CLIC2: variants seen among roughly 807,000 people sequenced by gnomAD.
CLIC2 encodes CLIC family member 2.
A neutral mutation model predicts 14.8 loss-of-function variants in CLIC2; 9 were observed. That is an observed-to-expected ratio of 0.61 (90% CI 0.37 to 1.06). The LOEUF (loss-of-function observed/expected upper bound fraction) is 1.06, where lower values mean the gene tolerates loss of function less well. Ranked by LOEUF, CLIC2 falls within the 50% of genes least tolerant of loss-of-function variation. The pLI is 0.01. For synonymous variants in CLIC2, 61 were observed against 66.3 expected, an observed-to-expected ratio of 0.92 and a Z score of 0.39; for missense variants, 148 against 181.4, an observed-to-expected ratio of 0.82 and a Z score of 1.06.
intron 3 of CLIC2, among the ~76,000 whole-genome samples, chrX:155,296,566 A>G (rs1179376867): frequency 8.9e-6 from 1 of 111,775 alleles, no homozygotes; most frequent in African/African-American, 3.3e-5. Context: ...GTGAAGAGAC[A>G]ACCTTTTGAA....
At chrX:155,292,155 CAGG>C in intron 3 of CLIC2, 1 of 567,312 alleles carries the variant, frequency 1.8e-6, no homozygotes, top group Non-Finnish European at 3.2e-6. Context: ...CCTGATGAAA[CAGG>C]AGAATACTAT....
rs2074901993 is a variant in CLIC2, at chrX:155,277,264, A to G, written c.*639T>C. Reference sequence around the variant, plus strand: ...GTTTTTTAAAATTATGTTTTATTTAATGAGTGCTTCTTCATTTAAAAATAA... The same window carrying G: ...GTTTTTTAAAATTATGTTTTATTTAGTGAGTGCTTCTTCATTTAAAAATAA... On this transcript the variant is annotated 3_prime_UTR_variant, in exon 6 of 6. Transcript: ENST00000369449. The G allele has an allele frequency of 9.0e-6, 1 of 111,476 alleles. No individual in the cohort carries two copies. The highest frequency in any genetic ancestry group is 1.9e-5 in the Non-Finnish European group (1 of 53,077). The allele number at this position is 111,476 out of a possible 1,213,427, so 9.2% of individuals were successfully genotyped here. A position where few individuals can be genotyped will look rare whatever the true frequency, so the allele number is the denominator to read the frequency against.
intron 3 of CLIC2, among the ~76,000 whole-genome samples, chrX:155,287,140 A>G (rs782101734): frequency 9.0e-6 from 1 of 111,403 alleles, no homozygotes; most frequent in African/African-American, 3.3e-5. Flanking sequence ...ATTTTTGTAT[A>G]TGGTATAAGG....
intron 3 of CLIC2, among the ~76,000 whole-genome samples, chrX:155,298,527 C>G (rs1365491250): frequency 8.9e-6 from 1 of 112,054 alleles, no homozygotes; most frequent in Non-Finnish European, 1.9e-5. Context: ...ACTATATGTT[C>G]CTACTCTATT....
chrX:155,290,449 C>T, intron 3 of CLIC2: 1 of 508,367 alleles, frequency 2.0e-6, no homozygotes, highest in East Asian at 3.4e-5. Flanking sequence ...TTCTTCTTCA[C>T]AAAGGAAGTC....
chrX:155,309,350 C>G (rs782125940), intron 1 of CLIC2, among the ~76,000 whole-genome samples: 2 of 111,504 alleles, frequency 1.8e-5, no homozygotes, highest in South Asian at 7.5e-4. Flanking sequence ...TCTACTCAAA[C>G]TATTCTGAAA....
intron 5 of CLIC2, 106 bp from the exon 6 acceptor site, chrX:155,278,170 A>T (rs782662424): frequency 3.0e-6 from 2 of 658,205 alleles, no homozygotes; most frequent in South Asian, 4.9e-5. Context: ...TTATCGACAC[A>T]AAAAGCACTA....
chrX:155,289,919 T>G, intron 3 of CLIC2, among the ~76,000 whole-genome samples: 1 of 112,371 alleles, frequency 8.9e-6, no homozygotes, highest in East Asian at 2.8e-4. Flanking sequence ...TCTGGCCTTT[T>G]CCGAGGCACA....
intron 1 of CLIC2, among the ~76,000 whole-genome samples, chrX:155,305,339 A>G (rs1557319882): frequency 8.9e-6 from 1 of 112,275 alleles, no homozygotes; most frequent in Non-Finnish European, 1.9e-5. Flanking sequence ...CCGATTTTCC[A>G]GGTGCCATCT....
At chrX:155,312,743 A>G (rs1557320713) in intron 1 of CLIC2, among the ~76,000 whole-genome samples, 1 of 111,970 alleles carries the variant, frequency 8.9e-6, no homozygotes, top group Non-Finnish European at 1.9e-5. Flanking sequence ...TTGAATCTAT[A>G]GATTGCTTTG....
chrX:155,292,235 G>C (rs1342717140), intron 3 of CLIC2: 2 of 567,704 alleles, frequency 3.5e-6, no homozygotes, highest in Non-Finnish European at 6.5e-6. Context: ...TCCAGATTTA[G>C]AGAGACGAGA....
In CLIC2 at chrX:155,334,485, T is replaced by C. The variant is rs782029949; in HGVS notation, c.-58A>G. 4.2e-6 allele frequency: 4 copies of C among 963,477 alleles called. No individual in the cohort carries two copies. In the South Asian group the frequency reaches 7.8e-5, roughly 19 times the overall value. The allele number at this position is 963,477 out of a possible 1,213,427, so 79.4% of individuals were successfully genotyped here. ...CCTCCTGTAGAGTCCACAATACTTG[T>C]AGACTCTTTTCTCAATTTTATCCAA... is the stretch of plus-strand genomic sequence containing the variant. On this transcript the variant is annotated 5_prime_UTR_variant, in exon 1 of 6. Coordinates refer to ENST00000369449, the MANE Select transcript of CLIC2 (RefSeq NM_001289.6).
chrX:155,280,440 C>T (rs1433685805), intron 3 of CLIC2, among the ~76,000 whole-genome samples: 1 of 111,824 alleles, frequency 8.9e-6, no homozygotes, highest in African/African-American at 3.3e-5. Flanking sequence ...CGCCTGTAAT[C>T]CCAGCACTGT....
At chrX:155,324,929 C>G (rs1324596034) in intron 1 of CLIC2, among the ~76,000 whole-genome samples, 1 of 111,807 alleles carries the variant, frequency 8.9e-6, no homozygotes, top group Non-Finnish European at 1.9e-5. Context: ...AAAAACCAAA[C>G]AACCCCATCA....
At chrX:155,300,041 G>A (rs1411904644) in intron 1 of CLIC2, among the ~76,000 whole-genome samples, 13 of 109,058 alleles carry the variant, frequency 1.2e-4, no homozygotes, top group African/African-American at 4.3e-4. Context: ...AAACATACGT[G>A]TGCATGTGTC....
At position 155,276,596 on chromosome X, in the gene CLIC2, CAT is replaced by C. The variant is rs1469151068; in HGVS notation, c.*1305_*1306del. On this transcript the variant is annotated 3_prime_UTR_variant, in exon 6 of 6. Coordinates refer to ENST00000369449, the MANE Select transcript of CLIC2 (RefSeq NM_001289.6). ...GTGAGATCAACTTTTTAAAATTCCA[CAT>C]ATGAGTGAGATCAACTTTTTAAAAT... is the stretch of plus-strand genomic sequence containing the variant. The C allele has an allele frequency of 2.7e-5, 3 of 111,592 alleles. No individual in the cohort carries two copies. The highest frequency in any genetic ancestry group is 9.7e-5 in the African/African-American group (3 of 30,813). The allele number at this position is 111,592 out of a possible 1,213,427, so 9.2% of individuals were successfully genotyped here.
intron 1 of CLIC2, among the ~76,000 whole-genome samples, chrX:155,330,404 T>C (rs1557322708): frequency 9.0e-6 from 1 of 110,934 alleles, no homozygotes; most frequent in African/African-American, 3.3e-5. Flanking sequence ...AAGGAAGATA[T>C]ACAGATGATA....
chrX:155,302,946 A>G (rs1364278476), intron 1 of CLIC2, among the ~76,000 whole-genome samples: 2 of 90,350 alleles, frequency 2.2e-5, no homozygotes, highest in Non-Finnish European at 4.4e-5. Context: ...TCTGAGAGAT[A>G]GTTTGTTATA....
intron 1 of CLIC2, among the ~76,000 whole-genome samples, chrX:155,328,766 T>TA (rs1306188364): frequency 2.9e-4 from 32 of 110,376 alleles, no homozygotes; most frequent in African/African-American, 9.5e-4. Context: ...GGTCCTGGCA[T>TA]AAAAAAAGAC....
Sources: allele counts gnomAD v4.1 joint callset (sites outside exome capture counted in the v4.1 genomes callset), GRCh38; gene constraint gnomAD v4.1.1; transcripts MANE v1.5; gene names NCBI Gene and HGNC (gene_info 2026-07-23, HGNC 2026-07-21).